The following ANK2 variants were observed in gnomAD, a reference collection of about 807,000 sequenced individuals.
ANK2 encodes ankyrin 2.
A neutral mutation model predicts 360.5 loss-of-function variants in ANK2; 83 were observed. The observed-to-expected ratio is 0.23, with a 90% confidence interval of 0.19 to 0.28. ANK2 has a LOEUF of 0.28. Ranked by LOEUF, ANK2 falls within the 10% of genes least tolerant of loss-of-function variation. The pLI, the probability that ANK2 is intolerant of heterozygous loss-of-function variation, is 1.00. For missense variants in ANK2, 4,201 were observed against 4,795.7 expected (o/e 0.88, Z 3.66); for synonymous variants, 1,740 against 1,759.5 (o/e 0.99, Z 0.28).
intron 2 of ANK2, chr4:113,034,560 T>C (rs914898863): frequency 1.6e-5 from 2 of 128,406 alleles, no homozygotes; most frequent in African/African-American, 5.0e-5. Context: ...AAGAATCATG[T>C]CTAAATTATC....
Position 113,273,698 on chromosome 4 carries a change from T to C in ANK2, c.1486-754T>C, listed in dbSNP as rs140485158. ...TGGTTTGGCCTGGTTCTCTAAACAC[T>C]GAAAACATTATTTCCAACTACACTT... On this transcript the variant is annotated intron_variant, in intron 14 of 45. Coordinates refer to ENST00000357077, the MANE Select transcript of ANK2 (RefSeq NM_001148.6). 2.4e-3 allele frequency among the ~76,000 whole-genome samples: 370 copies of C among 152,360 alleles called. 3 individuals are homozygous for C. Among genetic ancestry groups the C allele is most frequent in the African/African-American group, 8.3e-3 (344 of 41,590 alleles).
chr4:112,773,181 G>A, the ANK2 span, among the ~76,000 whole-genome samples: 2 of 152,116 alleles, frequency 1.3e-5, no homozygotes, highest in Admixed American at 6.6e-5. Context: ...GCCAGGTGTG[G>A]TGGTGGATGC....
At chr4:113,126,969 T>G (rs767206909) in intron 1 of ANK2, among the ~76,000 whole-genome samples, 4 of 152,206 alleles carry the variant, frequency 2.6e-5, no homozygotes, top group Non-Finnish European at 5.9e-5. Context: ...CTGGGTTATG[T>G]ATTCTTTAGT....
At chr4:112,898,405 G>A (rs2082330132) in intron 1 of ANK2, among the ~76,000 whole-genome samples, 1 of 152,100 alleles carries the variant, frequency 6.6e-6, no homozygotes, top group African/African-American at 2.4e-5. Flanking sequence ...TACTGGTTAA[G>A]TATATTGTGG....
chr4:113,105,607 C>T (rs2093516989), intron 1 of ANK2, among the ~76,000 whole-genome samples: 1 of 152,116 alleles, frequency 6.6e-6, no homozygotes, highest in Admixed American at 6.6e-5. Context: ...AATCATTTTC[C>T]ACTTGGGTCA....
At chr4:112,878,174 C>T (rs2150375054) in intron 1 of ANK2, among the ~76,000 whole-genome samples, 1 of 148,938 alleles carries the variant, frequency 6.7e-6, no homozygotes, top group East Asian at 1.9e-4. Context: ...ATCTATCTAT[C>T]TATCTATCTC....
At chr4:113,059,403 T>C (rs74416183) in intron 1 of ANK2, among the ~76,000 whole-genome samples, 2,637 of 152,320 alleles carry the variant, frequency 0.017, 35 homozygotes, top group Middle Eastern at 0.02. Context: ...TGAACTATAG[T>C]ACATATGTTT....
chr4:113,323,793 AG>A, intron 26 of ANK2: 1 of 1,611,834 alleles, frequency 6.2e-7, no homozygotes, highest in Non-Finnish European at 8.5e-7. Flanking sequence ...TGACAACAGC[AG>A]GTGAACTACT....
In ANK2 at chr4:113,367,741, A is replaced by G. The variant is rs1403863523; in HGVS notation, c.11208A>G (p.Ser3736=). ...TCCCCAAAACTGAGGGGGACAGCTC[A>G]GCAACAGCACTCTTTCCCCAAACTC... is the stretch of plus-strand genomic sequence containing the variant. The part of the protein sequence containing the change: ...DGVPKTEGDS[S]ATALFPQTHK... Residue 3736 remains serine, a synonymous_variant, in exon 42 of 46, where the codon TCA becomes TCG. Coordinates refer to ENST00000357077, the MANE Select transcript of ANK2 (RefSeq NM_001148.6). 1.7e-5 allele frequency: 28 copies of G among 1,613,746 alleles called. No individual in the cohort carries two copies. Among genetic ancestry groups the G allele is most frequent in the Non-Finnish European group, 2.2e-5 (26 of 1,179,938 alleles).
chr4:113,137,603 T>G (rs1427571689), intron 1 of ANK2, among the ~76,000 whole-genome samples: 1 of 152,238 alleles, frequency 6.6e-6, no homozygotes, highest in Non-Finnish European at 1.5e-5. Context: ...GAGATATATC[T>G]GCATTTTAAA....
intron 43 of ANK2, among the ~76,000 whole-genome samples, chr4:113,372,009 T>C (rs1252098884): frequency 6.6e-6 from 1 of 152,214 alleles, no homozygotes; most frequent in Non-Finnish European, 1.5e-5. Flanking sequence ...ATATTATTCA[T>C]AGTCTACCTT....
intron 1 of ANK2, among the ~76,000 whole-genome samples, chr4:112,877,601 A>G (rs545599658): frequency 2.5e-4 from 38 of 152,312 alleles, no homozygotes; most frequent in African/African-American, 8.7e-4. Context: ...GCCCAGGACA[A>G]ATGAAAATGA....
At chr4:113,038,036 CA>C (rs1404545243) in intron 2 of ANK2, among the ~76,000 whole-genome samples, 1 of 151,946 alleles carries the variant, frequency 6.6e-6, no homozygotes, top group African/African-American at 2.4e-5. Flanking sequence ...GACATTAGTT[CA>C]AATTAGTTCT....
chr4:112,775,546 A>ACACACAC, the ANK2 span, among the ~76,000 whole-genome samples: 5 of 8,752 alleles, frequency 5.7e-4, no homozygotes, highest in African/African-American at 1.1e-3. Flanking sequence ...CACACACACA[A>ACACACAC]GAAAAAAAAT....
At chr4:113,315,511 A>C (rs763173612) in intron 24 of ANK2, among the ~76,000 whole-genome samples, 20 of 152,180 alleles carry the variant, frequency 1.3e-4, no homozygotes, top group Non-Finnish European at 2.9e-4. Flanking sequence ...AGCCCATAGA[A>C]CAGCTGTATT....
chr4:113,070,463 T>C (rs1438893263), intron 1 of ANK2, among the ~76,000 whole-genome samples: 1 of 152,186 alleles, frequency 6.6e-6, no homozygotes, highest in Non-Finnish European at 1.5e-5. Context: ...CATTGTCCCA[T>C]CTTTGAAATT....
At chr4:113,191,937 A>G (rs749506562) in intron 2 of ANK2, among the ~76,000 whole-genome samples, 14 of 152,166 alleles carry the variant, frequency 9.2e-5, no homozygotes, top group Non-Finnish European at 1.5e-4. Context: ...GATTTAGCCA[A>G]TATTCTCAAA....
At position 113,330,867 on chromosome 4, in the gene ANK2, CATT is replaced by C. The variant is rs2092271223; in HGVS notation, c.3125+400_3125+402del. Among the ~76,000 whole-genome samples, 2 of 152,124 alleles carry C rather than the reference CATT, an allele frequency of 1.3e-5. 1 individual carries two copies. Among genetic ancestry groups the C allele is most frequent in the South Asian group, 4.1e-4 (2 of 4,820 alleles). On this transcript the variant is annotated intron_variant, in intron 27 of 45. Transcript: ENST00000357077. ...TTCTCATACAGTTATGAAACAGAAT[CATT>C]ATCTTTACTTTGGAAAGCAATGTTG...
At chr4:113,175,440 G>A (rs906948628) in intron 2 of ANK2, among the ~76,000 whole-genome samples, 4 of 152,014 alleles carry the variant, frequency 2.6e-5, no homozygotes, top group African/African-American at 9.7e-5. Context: ...CCTCACCAAT[G>A]TGCCATTCCA....
Sources: allele counts gnomAD v4.1 joint callset (sites outside exome capture counted in the v4.1 genomes callset), GRCh38; gene constraint gnomAD v4.1.1; transcripts MANE v1.5; gene names NCBI Gene and HGNC (gene_info 2026-07-23, HGNC 2026-07-21).